CD163L1: variants seen among roughly 807,000 people sequenced by gnomAD.
The protein encoded by CD163L1 is scavenger receptor cysteine-rich type 1 protein M160.
In CD163L1, 124 loss-of-function variants were observed where a neutral mutation model predicts 165.4. The ratio of observed to expected loss-of-function variants is 0.75; its 90% CI spans 0.65 to 0.87. CD163L1 has a LOEUF of 0.87. CD163L1 is among the 40% of genes least tolerant of loss of function. The pLI is 0.00. For synonymous variants in CD163L1, 585 were observed against 662.2 expected (o/e 0.88, Z 1.79); for missense variants, 1,525 against 1,799.9 (o/e 0.85, Z 2.76).
intron 2 of CD163L1, among the ~76,000 whole-genome samples, chr12:7,433,916 G>A (rs1948675852): frequency 6.6e-6 from 1 of 152,168 alleles, no homozygotes; most frequent in Non-Finnish European, 1.5e-5. Context: ...GCATTGTAAT[G>A]TGAAAATTAA....
At chr12:7,325,949 A>G in the CD163L1 span, among the ~76,000 whole-genome samples, 2 of 152,098 alleles carry the variant, frequency 1.3e-5, no homozygotes, top group African/African-American at 4.8e-5. Context: ...TCTACTCTCC[A>G]TCTATTCCAT....
intron 4 of CD163L1, among the ~76,000 whole-genome samples, chr12:7,422,632 TATATATATCTCATATATATTC>T (rs1313508304): frequency 2.0e-5 from 3 of 150,676 alleles, no homozygotes; most frequent in South Asian, 2.1e-4. Flanking sequence ...GGTTATTTCA[TATATATATCTCATATATATTC>T]ATATATATCT....
At chr12:7,439,109 G>A (rs1316059788) in intron 2 of CD163L1, 3 of 1,572,502 alleles carry the variant, frequency 1.9e-6, no homozygotes, top group Admixed American at 2.1e-5. Flanking sequence ...TCTCTCTCTT[G>A]CACTTTTAGT....
the CD163L1 span, among the ~76,000 whole-genome samples, chr12:7,338,735 A>G: frequency 6.6e-6 from 1 of 152,154 alleles, no homozygotes; most frequent in African/African-American, 2.4e-5. Context: ...TATATGGCAC[A>G]TATGGGATGA....
At chr12:7,367,869 C>G (rs1416149614) in intron 17 of CD163L1, among the ~76,000 whole-genome samples, 1 of 152,236 alleles carries the variant, frequency 6.6e-6, no homozygotes, top group African/African-American at 2.4e-5. Context: ...GTCTGTATGG[C>G]AAGCTACAGC....
intron 7 of CD163L1, 122 bp from the exon 8 acceptor site, chr12:7,396,537 G>T: frequency 2.1e-6 from 2 of 946,770 alleles, no homozygotes; most frequent in Non-Finnish European, 3.1e-6. Context: ...TGCTGTGAAG[G>T]TATTTTTTCA....
At chr12:7,331,929 G>C in the CD163L1 span, among the ~76,000 whole-genome samples, 151,910 of 152,354 alleles carry the variant, frequency 1, 75,736 homozygotes, top group Middle Eastern at 1. Context: ...CAAAGCTGGA[G>C]GGAGAATGAC....
rs187968007 is a variant in CD163L1 at position 7,393,225 on chromosome 12, C to T, written c.2050+2870G>A. Among the ~76,000 whole-genome samples, 45 of 152,262 alleles carry T rather than the reference C, an allele frequency of 3.0e-4. No homozygotes were observed. In the South Asian group the frequency reaches 3.5e-3, roughly 12 times the overall value. ...AGCACATCAAAAAGCCTATCCACCA[C>T]GGTCAAGTTGGCTTCATCCCTGGGA... On this transcript the variant is annotated intron_variant, in intron 8 of 19. Coordinates refer to ENST00000313599, the MANE Select transcript of CD163L1 (RefSeq NM_174941.6).
chr12:7,421,038 T>TATATATATATACATATATATATATAC, intron 4 of CD163L1, among the ~76,000 whole-genome samples: 1 of 96,466 alleles, frequency 1.0e-5, no homozygotes, highest in East Asian at 3.7e-4. Flanking sequence ...TATATATACG[T>TATATATATATACATATATATATATAC]GTATATATAT....
intron 7 of CD163L1, among the ~76,000 whole-genome samples, chr12:7,397,745 T>A (rs1947810396): frequency 6.6e-6 from 1 of 152,206 alleles, no homozygotes; most frequent in South Asian, 2.1e-4. Flanking sequence ...AGGTACAAAG[T>A]GTCTTATGTG....
chr12:7,414,837 C>A (rs1458420986), intron 4 of CD163L1, among the ~76,000 whole-genome samples: 1 of 152,046 alleles, frequency 6.6e-6, no homozygotes, highest in Non-Finnish European at 1.5e-5. Context: ...AGAACCCTGC[C>A]AATCAAGAAC....
chr12:7,404,712 T>C (rs1406589976), intron 5 of CD163L1, among the ~76,000 whole-genome samples: 3 of 152,196 alleles, frequency 2.0e-5, no homozygotes, highest in Non-Finnish European at 2.9e-5. Flanking sequence ...TGGTTCACAT[T>C]GAATAGGTTA....
chr12:7,321,912 G>A, the CD163L1 span, among the ~76,000 whole-genome samples: 1 of 152,220 alleles, frequency 6.6e-6, no homozygotes, highest in East Asian at 1.9e-4. Context: ...ACCCTGACAA[G>A]TGGGAGGTGC....
At chr12:7,328,399 G>T in the CD163L1 span, 1 of 1,512,058 alleles carries the variant, frequency 6.6e-7, no homozygotes, top group Non-Finnish European at 9.0e-7. Context: ...GAAGGGTTAA[G>T]CAGTAATATG....
At chr12:7,337,904 T>G in the CD163L1 span, among the ~76,000 whole-genome samples, 1 of 152,196 alleles carries the variant, frequency 6.6e-6, no homozygotes, top group South Asian at 2.1e-4. Flanking sequence ...AGCAAAGACT[T>G]GGAGCCAACC....
In CD163L1 at chr12:7,432,327, C is replaced by A. The variant is rs1443810363; in HGVS notation, c.766+89G>T. On this transcript the variant is annotated intron_variant, in intron 4 of 19. Coordinates refer to ENST00000313599, the MANE Select transcript of CD163L1 (RefSeq NM_174941.6). This position sits in a 1 kb window ranked among gnomAD's most constrained non-coding sequence, Gnocchi z 4.2. ...TGTGTTATAACCAGAGAAAATTCTT[C>A]TCCAGAGAATGATTGACCTTTTTCT... 3.0e-6 allele frequency: 3 copies of A among 1,009,906 alleles called. No individual in the cohort carries two copies. The Admixed American group carries it at 7.7e-5, about 26-fold the overall frequency. 62.6% of individuals were successfully genotyped at this position (1,009,906 alleles called of 1,614,324 possible). A position where few individuals can be genotyped will look rare whatever the true frequency, so the allele number is the denominator to read the frequency against.
chr12:7,415,199 AAATAT>A (rs1948212568), intron 4 of CD163L1, among the ~76,000 whole-genome samples: 1 of 152,246 alleles, frequency 6.6e-6, no homozygotes, highest in South Asian at 2.1e-4. Flanking sequence ...CAATAAAATA[AAATAT>A]AACAGATCTG....
chr12:7,347,450 A>G lies in CD163L1; in HGVS notation c.*25-303T>C, dbSNP rs1591859644. Among the ~76,000 whole-genome samples, 1 of 152,162 alleles carries G rather than the reference A, an allele frequency of 6.6e-6. No homozygotes were observed. The highest frequency in any genetic ancestry group is 6.5e-5 in the Admixed American group (1 of 15,282). ...GGGTGGTTACTTTCCTTATATCTTT[A>G]TAACCAGTTTATCTTGGTTAATTTC... On this transcript the variant is annotated intron_variant, in intron 4 of 4. Coordinates refer to the CD163L1 transcript ENST00000539726. This position sits in a 1 kb window ranked among gnomAD's most constrained non-coding sequence, Gnocchi z 4.2.
the CD163L1 span, chr12:7,323,212 A>G: frequency 1.3e-6 from 2 of 1,585,572 alleles, no homozygotes; most frequent in Non-Finnish European, 1.7e-6. Flanking sequence ...GTATACTTAT[A>G]CAAAGCTTGT....
Sources: gnomAD v4.1 joint callset for allele counts (sites outside exome capture counted in the v4.1 genomes callset) on GRCh38, gnomAD v4.1.1 for gene constraint, Gnocchi (gnomAD v3.1) non-coding constraint, MANE v1.5 for transcripts, NCBI Gene and HGNC (gene_info 2026-07-23, HGNC 2026-07-21) for gene names.